Variants in GAS7 observed in about 807,000 individuals in gnomAD.
The protein encoded by GAS7 is growth arrest-specific protein 7.
In GAS7, 28 loss-of-function variants were observed where a neutral mutation model predicts 71.1. That is an observed-to-expected ratio of 0.39 (90% CI 0.29 to 0.54). The LOEUF (loss-of-function observed/expected upper bound fraction) is 0.54. Ranked by LOEUF, GAS7 falls within the 20% of genes least tolerant of loss-of-function variation. GAS7 has a pLI of 0.62. For synonymous variants in GAS7, 258 were observed against 245.8 expected (o/e 1.05, Z -0.46); for missense variants, 436 against 627.8 (o/e 0.69, Z 3.27).
intron 1 of GAS7, among the ~76,000 whole-genome samples, chr17:10,180,135 G>A (rs2074403063): frequency 6.6e-6 from 1 of 152,142 alleles, no homozygotes; most frequent in Admixed American, 6.6e-5. Context: ...GAGGTCAGGA[G>A]TTCGAGACCA....
At chr17:10,080,331 G>A (rs1211804535) in intron 1 of GAS7, among the ~76,000 whole-genome samples, 1 of 152,116 alleles carries the variant, frequency 6.6e-6, no homozygotes, top group Non-Finnish European at 1.5e-5. Flanking sequence ...TCCAGGAACT[G>A]CCCCCTGCCC....
intron 1 of GAS7, among the ~76,000 whole-genome samples, chr17:10,039,307 C>T (rs1224352815): frequency 1.3e-5 from 2 of 151,506 alleles, no homozygotes; most frequent in African/African-American, 4.9e-5. Flanking sequence ...TCATGAGATA[C>T]ACCACCTCAG....
intron 1 of GAS7, among the ~76,000 whole-genome samples, chr17:10,031,810 G>A (rs770250798): frequency 7.2e-5 from 11 of 152,222 alleles, no homozygotes; most frequent in Non-Finnish European, 1.2e-4. Flanking sequence ...GGCGCCATAC[G>A]GCATGATGGG....
intron 5 of GAS7, among the ~76,000 whole-genome samples, chr17:9,957,774 A>G (rs1164280436): frequency 1.3e-5 from 2 of 151,926 alleles, no homozygotes; most frequent in African/African-American, 4.8e-5. Context: ...GGCTGCTGCT[A>G]CCCCACAGTC....
At chr17:9,931,524 C>T (rs1189038646) in intron 9 of GAS7, among the ~76,000 whole-genome samples, 7 of 152,200 alleles carry the variant, frequency 4.6e-5, no homozygotes, top group Non-Finnish European at 7.3e-5. Flanking sequence ...GAAGTTTCTA[C>T]CACAGCAGAG....
chr17:10,062,814 T>C (rs1353873962), intron 1 of GAS7, among the ~76,000 whole-genome samples: 2 of 152,180 alleles, frequency 1.3e-5, no homozygotes, highest in African/African-American at 4.8e-5. Flanking sequence ...GAGCCACCAT[T>C]AGCTGACACT....
At chr17:10,091,724 C>T (rs906769393) in intron 1 of GAS7, among the ~76,000 whole-genome samples, 8 of 152,096 alleles carry the variant, frequency 5.3e-5, no homozygotes, top group South Asian at 2.1e-4. Context: ...CTGTGTCACC[C>T]AGGCTGGAGT....
chr17:10,174,718 A>C (rs905842782), intron 1 of GAS7, among the ~76,000 whole-genome samples: 4 of 152,052 alleles, frequency 2.6e-5, no homozygotes, highest in Non-Finnish European at 4.4e-5. Context: ...AAAAATAAAA[A>C]ACAATTCTGG....
At chr17:10,155,181 A>T (rs1382625209) in intron 1 of GAS7, among the ~76,000 whole-genome samples, 1 of 151,636 alleles carries the variant, frequency 6.6e-6, no homozygotes, top group Non-Finnish European at 1.5e-5. Flanking sequence ...CACCCAGCTA[A>T]TTTTTTGTAT....
Position 10,148,596 on chromosome 17 carries a change from C to T in GAS7, c.183+49612G>A, listed in dbSNP as rs923252933. 7.6e-4 allele frequency among the ~76,000 whole-genome samples: 109 copies of T among 143,558 alleles called. 2 individuals carry two copies. Among genetic ancestry groups the T allele is most frequent in the African/African-American group, 1.8e-3 (69 of 38,460 alleles). The allele number at this position is 143,558 out of a possible 152,430, so 94.2% of individuals were successfully genotyped here. On this transcript the variant is annotated intron_variant, in intron 1 of 13. Transcript: ENST00000432992. The stretch of plus-strand genomic sequence containing the variant: ...TTGCACCACTGCACTCCAGCCTGGG[C>T]AACAGAGAAACACTCAAGAAAAAAA...
At chr17:10,180,770 C>T (rs2074408433) in intron 1 of GAS7, among the ~76,000 whole-genome samples, 1 of 151,962 alleles carries the variant, frequency 6.6e-6, no homozygotes, top group Non-Finnish European at 1.5e-5. Flanking sequence ...ATTGTAACTC[C>T]TTATTGTTAC....
At chr17:9,994,217 C>T (rs1248220975) in intron 2 of GAS7, among the ~76,000 whole-genome samples, 16 of 151,014 alleles carry the variant, frequency 1.1e-4, no homozygotes, top group Admixed American at 3.3e-4. Flanking sequence ...GAGCCCACAT[C>T]GCCAAGTCAA....
At chr17:10,119,922 G>A (rs541580310) in intron 1 of GAS7, among the ~76,000 whole-genome samples, 9 of 152,256 alleles carry the variant, frequency 5.9e-5, no homozygotes, top group African/African-American at 2.2e-4. Flanking sequence ...AGGAAGAGCA[G>A]AAGAGGATGT....
chr17:9,920,011 GTGTGTC>G (rs2067745803), intron 11 of GAS7, among the ~76,000 whole-genome samples: 1 of 137,720 alleles, frequency 7.3e-6, no homozygotes, highest in Non-Finnish European at 1.5e-5. Flanking sequence ...GTGTGTGTGT[GTGTGTC>G]TAGGGTATTC....
chr17:10,169,554 T>C (rs2142129446), intron 1 of GAS7, among the ~76,000 whole-genome samples: 1 of 152,296 alleles, frequency 6.6e-6, no homozygotes, highest in Non-Finnish European at 1.5e-5. Flanking sequence ...ATAAGGTCAA[T>C]GTCCCGATGA....
intron 3 of GAS7, among the ~76,000 whole-genome samples, chr17:9,975,671 A>G (rs2070171004): frequency 6.6e-6 from 1 of 152,184 alleles, no homozygotes; most frequent in South Asian, 2.1e-4. Context: ...TTATGCAGTG[A>G]TAGTAAAGGG....
intron 2 of GAS7, among the ~76,000 whole-genome samples, chr17:9,985,744 G>C (rs2070620967): frequency 1.3e-5 from 2 of 152,208 alleles, no homozygotes; most frequent in African/African-American, 4.8e-5. Context: ...CTAATGACTG[G>C]GGTGAGAGGG....
intron 1 of GAS7, among the ~76,000 whole-genome samples, chr17:10,028,364 G>C (rs1420707026): frequency 2.6e-5 from 4 of 152,124 alleles, no homozygotes; most frequent in African/African-American, 4.8e-5. Flanking sequence ...GTGAGATACT[G>C]TCTCAAATAA....
At chr17:10,196,670 A>T (rs1270973785) in intron 1 of GAS7, among the ~76,000 whole-genome samples, 1 of 152,170 alleles carries the variant, frequency 6.6e-6, no homozygotes, top group Non-Finnish European at 1.5e-5. Flanking sequence ...CAGTCCAGCC[A>T]GGGATGCTCC....
Sources: allele counts gnomAD v4.1 joint callset (sites outside exome capture counted in the v4.1 genomes callset), GRCh38; gene constraint gnomAD v4.1.1; transcripts MANE v1.5; gene names NCBI Gene and HGNC (gene_info 2026-07-23, HGNC 2026-07-21).